CYTH1: variants seen among roughly 807,000 people sequenced by gnomAD.
The protein encoded by CYTH1 is cytohesin 1, also known as cytohesin-1.
CYTH1 carries 18 observed loss-of-function variants against 61.8 expected under a neutral mutation model. The observed-to-expected ratio is 0.29, with a 90% CI of 0.20 to 0.43. CYTH1 has a LOEUF of 0.43. CYTH1 is among the 20% of genes least tolerant of loss of function. The pLI, the probability that CYTH1 is intolerant of heterozygous loss-of-function variation, is 1.00. For missense variants in CYTH1, 336 were observed against 510.5 expected (o/e 0.66, Z 3.29); for synonymous variants, 174 against 184.3 (o/e 0.94, Z 0.45).
At chr17:78,709,857 G>A in intron 1 of CYTH1, 125 bp from the exon 2 acceptor site, 1 of 763,492 alleles carries the variant, frequency 1.3e-6, no homozygotes, top group South Asian at 1.8e-5. Flanking sequence ...AGAAATGACT[G>A]AGTGATAGAA....
At chr17:78,774,970 G>C (rs752176735) in intron 1 of CYTH1, among the ~76,000 whole-genome samples, 2 of 152,204 alleles carry the variant, frequency 1.3e-5, no homozygotes, top group Non-Finnish European at 1.5e-5. Flanking sequence ...ATGGGAAATC[G>C]GGTTAGAACT....
At chr17:78,749,669 A>T (rs2093372303) in intron 1 of CYTH1, among the ~76,000 whole-genome samples, 1 of 151,992 alleles carries the variant, frequency 6.6e-6, no homozygotes. Flanking sequence ...AAAAAATAAA[A>T]AAAAACCTAA....
At chr17:78,781,168 C>T (rs1391491995) in intron 1 of CYTH1, among the ~76,000 whole-genome samples, 1 of 138,908 alleles carries the variant, frequency 7.2e-6, no homozygotes, top group African/African-American at 2.9e-5. Context: ...GATCTCGTCT[C>T]TTAAAAAAAA....
intron 1 of CYTH1, among the ~76,000 whole-genome samples, chr17:78,715,616 G>A (rs1290116174): frequency 6.6e-6 from 1 of 152,190 alleles, no homozygotes; most frequent in Non-Finnish European, 1.5e-5. Flanking sequence ...GCATCATTCG[G>A]TTTCCTCTCA....
Position 78,707,313 on chromosome 17 carries a change from A to AT in CYTH1, c.170+883dup, listed in dbSNP as rs200345247. Among the ~76,000 whole-genome samples, 5 of 152,320 alleles carry AT rather than the reference A, an allele frequency of 3.3e-5. No individual in the cohort carries two copies. In the East Asian group the frequency reaches 9.6e-4, roughly 29 times the overall value. ...GAATTGGAAACAGCTCATTTATTGC[A>AT]TTAAGCAGTCAGAAAACGGTCTGGG... On this transcript the variant is annotated intron_variant, in intron 3 of 13. Transcript: ENST00000446868.
chr17:78,676,228 C>T (rs1003534690), intron 13 of CYTH1, 59 bp from the exon 14 acceptor site: 2 of 1,535,976 alleles, frequency 1.3e-6, no homozygotes, highest in Non-Finnish European at 8.8e-7. Flanking sequence ...AAGAAACACA[C>T]CCAGGCAGGG....
At chr17:78,679,876 G>A (rs1249908677) in intron 13 of CYTH1, among the ~76,000 whole-genome samples, 1 of 152,204 alleles carries the variant, frequency 6.6e-6, no homozygotes, top group Non-Finnish European at 1.5e-5. Context: ...GAGAATGAGA[G>A]CGGCTTCGTC....
intron 13 of CYTH1, chr17:78,677,247 C>T (rs1001731101): frequency 8.0e-6 from 3 of 374,632 alleles, no homozygotes; most frequent in Non-Finnish European, 1.6e-5. Context: ...GGTGAATCTC[C>T]CTTGGCTTCC....
At chr17:78,705,604 T>C (rs1963439693) in intron 3 of CYTH1, among the ~76,000 whole-genome samples, 1 of 152,170 alleles carries the variant, frequency 6.6e-6, no homozygotes. Context: ...AATTCTCTCC[T>C]ATAAGAAAGT....
At chr17:78,773,903 A>G (rs1294031927) in intron 1 of CYTH1, among the ~76,000 whole-genome samples, 1 of 152,220 alleles carries the variant, frequency 6.6e-6, no homozygotes, top group African/African-American at 2.4e-5. Flanking sequence ...AAAAGAGTTA[A>G]CCTAAGTTAA....
intron 1 of CYTH1, among the ~76,000 whole-genome samples, chr17:78,718,747 T>C (rs1367508358): frequency 6.6e-6 from 1 of 152,250 alleles, no homozygotes; most frequent in Non-Finnish European, 1.5e-5. Context: ...CTCAGTTTTG[T>C]CCAGCTGTAA....
intron 1 of CYTH1, among the ~76,000 whole-genome samples, chr17:78,763,475 C>T (rs914306851): frequency 3.9e-5 from 6 of 152,094 alleles, no homozygotes; most frequent in African/African-American, 7.2e-5. Context: ...AGACCCCCCA[C>T]GGATGCCTAG....
intron 9 of CYTH1, among the ~76,000 whole-genome samples, chr17:78,697,161 T>C (rs1470521928): frequency 2.0e-5 from 3 of 152,180 alleles, no homozygotes; most frequent in Admixed American, 2.0e-4. Flanking sequence ...GATTCCATTT[T>C]AGCCTTCCCA....
At chr17:78,743,095 G>C (rs2093347445) in intron 1 of CYTH1, among the ~76,000 whole-genome samples, 1 of 152,118 alleles carries the variant, frequency 6.6e-6, no homozygotes, top group Admixed American at 6.6e-5. Context: ...ATTGGAAAAT[G>C]TTGCGTAACT....
intron 1 of CYTH1, among the ~76,000 whole-genome samples, chr17:78,744,856 A>G (rs999139664): frequency 2.6e-5 from 4 of 151,966 alleles, no homozygotes; most frequent in Non-Finnish European, 5.9e-5. Context: ...AAAAAAAAAA[A>G]AAAAAAGAAA....
intron 1 of CYTH1, chr17:78,727,661 C>A: frequency 2.1e-6 from 1 of 471,058 alleles, no homozygotes; most frequent in Non-Finnish European, 4.4e-6. Flanking sequence ...CACCTACCAG[C>A]AGGGCAAGGC....
At chr17:78,720,640 T>A (rs1383030474) in intron 1 of CYTH1, among the ~76,000 whole-genome samples, 1 of 152,112 alleles carries the variant, frequency 6.6e-6, no homozygotes, top group Non-Finnish European at 1.5e-5. Context: ...TTTGAGAGGC[T>A]GAGGGAGGGA....
Position 78,709,602 on chromosome 17 carries a change from T to C in CYTH1, c.105+48A>G, listed in dbSNP as rs963897814. ...GGACACCCTTTCATACAAATGGAAC[T>C]GTCACTGTGGTTCTTACGTTGGTGA... On this transcript the variant is annotated intron_variant, in intron 2 of 13. Transcript: ENST00000446868. The C allele has an allele frequency of 1.9e-6, 3 of 1,598,026 alleles. No individual in the cohort carries two copies. The African/African-American group carries it at 4.0e-5, about 21-fold the overall frequency.
chr17:78,781,491 G>A (rs1318586715), intron 1 of CYTH1, among the ~76,000 whole-genome samples: 1 of 152,166 alleles, frequency 6.6e-6, no homozygotes, highest in African/African-American at 2.4e-5. Flanking sequence ...CAGGGGAGGA[G>A]CGGCGTCCCC....
Sources: gnomAD v4.1 joint callset for allele counts (sites outside exome capture counted in the v4.1 genomes callset) on GRCh38, gnomAD v4.1.1 for gene constraint, MANE v1.5 for transcripts, NCBI Gene and HGNC (gene_info 2026-07-23, HGNC 2026-07-21) for gene names.